PLAC1: variants seen among roughly 807,000 people sequenced by gnomAD.
PLAC1 encodes the protein placenta-specific protein 1.
For missense variants in PLAC1, 136 were observed against 163.2 expected (o/e 0.83, Z 0.91); for synonymous variants, 68 against 62.1 (o/e 1.09, Z -0.44).
At position 134,648,628 on chromosome X, in the gene PLAC1, G is replaced by A. The variant is rs2078346314; in HGVS notation, c.-131+9700C>T. ...TTGAACCCAGGAGGCAGAGGTTGCA[G>A]TGAGCCGAGATTGTGCCATGGCACT... On this transcript the variant is annotated intron_variant, in intron 1 of 2. Transcript: ENST00000359237. Among the ~76,000 whole-genome samples the A allele has an allele frequency of 2.7e-5, 3 of 111,995 alleles. No homozygotes were observed. In the South Asian group the frequency reaches 1.2e-3, roughly 43 times the overall value.
intron 1 of PLAC1, among the ~76,000 whole-genome samples, chrX:134,754,018 C>T (rs1247783701): frequency 8.9e-6 from 1 of 112,250 alleles, no homozygotes; most frequent in African/African-American, 3.2e-5. Flanking sequence ...ATCTGAGTTC[C>T]ATCACATAGA....
chrX:134,762,821 C>CAAAAAAAAAAAAA (rs60721487), intron 1 of PLAC1, among the ~76,000 whole-genome samples: 8 of 14,820 alleles, frequency 5.4e-4, no homozygotes, highest in Non-Finnish European at 7.0e-4. Context: ...GGCTCTATCT[C>CAAAAAAAAAAAAA]AAAAAAAAAA....
At chrX:134,744,641 A>G (rs1277606222) in intron 1 of PLAC1, among the ~76,000 whole-genome samples, 1 of 112,323 alleles carries the variant, frequency 8.9e-6, no homozygotes, top group Non-Finnish European at 1.9e-5. Flanking sequence ...GATTGTCACT[A>G]AAGGCTAGAT....
chrX:134,696,811 G>A (rs967461511), intron 2 of PLAC1, among the ~76,000 whole-genome samples: 1 of 109,750 alleles, frequency 9.1e-6, no homozygotes, highest in Non-Finnish European at 1.9e-5. Flanking sequence ...GGAGGATCAC[G>A]AGGTCAGGAG....
chrX:134,578,687 C>G (rs2077957864), intron 2 of PLAC1, among the ~76,000 whole-genome samples: 1 of 107,140 alleles, frequency 9.3e-6, no homozygotes, highest in South Asian at 4.2e-4. Flanking sequence ...AGGAAATGGT[C>G]TTTCTAAGCA....
chrX:134,661,748 A>C (rs2078417279), upstream of PLAC1, among the ~76,000 whole-genome samples: 1 of 111,851 alleles, frequency 8.9e-6, no homozygotes, highest in African/African-American at 3.2e-5. Flanking sequence ...GTTACAAGGA[A>C]TAATGGACCA....
At chrX:134,653,948 T>C (rs752372869) in intron 1 of PLAC1, among the ~76,000 whole-genome samples, 2 of 112,205 alleles carry the variant, frequency 1.8e-5, no homozygotes, top group South Asian at 3.7e-4. Context: ...ATCTGGTTTC[T>C]GGAATCACAT....
At chrX:134,626,065 C>T (rs1261898910) in intron 1 of PLAC1, among the ~76,000 whole-genome samples, 2 of 110,889 alleles carry the variant, frequency 1.8e-5, no homozygotes, top group East Asian at 5.7e-4. Flanking sequence ...TTTCAGGGAG[C>T]CTCCTGCCTG....
chrX:134,574,521 T>G (rs2077927457), intron 2 of PLAC1, among the ~76,000 whole-genome samples: 1 of 111,778 alleles, frequency 8.9e-6, no homozygotes, highest in Non-Finnish European at 1.9e-5. Flanking sequence ...GCCTGTCCAC[T>G]TGCACACCTG....
Position 134,703,469 on chromosome X carries a change from A to G in PLAC1, n.174+29966T>C, listed in dbSNP as rs542757661. On this transcript the variant is annotated intron_variant and non_coding_transcript_variant, in intron 2 of 2. Transcript: ENST00000466797. ...AAGTTATCATTCACAACTGAGGGTC[A>G]TTAAAATGAGATCTTTTAAACAAAG... 5.5e-4 allele frequency among the ~76,000 whole-genome samples: 62 copies of G among 111,714 alleles called. 1 individual carries two copies. In the South Asian group the frequency reaches 0.011, roughly 20 times the overall value.
intron 2 of PLAC1, among the ~76,000 whole-genome samples, chrX:134,675,392 G>A (rs936014400): frequency 6.2e-5 from 7 of 112,403 alleles, no homozygotes; most frequent in African/African-American, 1.9e-4. Flanking sequence ...CTGGCCGGGC[G>A]TGGTGGCTCA....
intron 2 of PLAC1, among the ~76,000 whole-genome samples, chrX:134,569,776 G>T (rs866797210): frequency 7.1e-5 from 7 of 99,220 alleles, no homozygotes; most frequent in African/African-American, 3.1e-4. Context: ...GTGTGTGTGT[G>T]TGTGTGTGTG....
At chrX:134,571,398 T>C (rs1348388240) in intron 2 of PLAC1, among the ~76,000 whole-genome samples, 1 of 111,149 alleles carries the variant, frequency 9.0e-6, no homozygotes, top group Non-Finnish European at 1.9e-5. Context: ...AGAATGGTGG[T>C]TATTGGGGTG....
At chrX:134,635,206 G>T (rs911653539) in intron 1 of PLAC1, among the ~76,000 whole-genome samples, 1 of 111,806 alleles carries the variant, frequency 8.9e-6, no homozygotes, top group African/African-American at 3.2e-5. Context: ...CAAGCTGGGA[G>T]GTCATGTGAA....
chrX:134,676,578 C>A (rs1602899964), intron 2 of PLAC1, among the ~76,000 whole-genome samples: 1 of 112,329 alleles, frequency 8.9e-6, no homozygotes, highest in Middle Eastern at 4.6e-3. Flanking sequence ...CATTTCTAGA[C>A]AACTTCTTGT....
At chrX:134,741,897 G>A (rs1359947043) in intron 1 of PLAC1, among the ~76,000 whole-genome samples, 1 of 111,090 alleles carries the variant, frequency 9.0e-6, no homozygotes, top group East Asian at 2.8e-4. Flanking sequence ...GCCCTTGCCA[G>A]AACTGTGGAC....
In PLAC1 at chrX:134,658,361, T is replaced by G. The variant is rs1001480770; in HGVS notation, c.-164A>C. On this transcript the variant is annotated 5_prime_UTR_variant, in exon 1 of 3. Transcript: ENST00000359237. ...TTTCCAAAGGGAAGAAGGAACTTGC[T>G]GTGTCTGTATTTGCCCCCAGGATTG... The G allele has an allele frequency of 1.8e-5, 2 of 112,877 alleles. No individual in the cohort carries two copies. Among genetic ancestry groups the G allele is most frequent in the Non-Finnish European group, 3.7e-5 (2 of 53,390 alleles). 9.3% of individuals were successfully genotyped at this position (112,877 alleles called of 1,213,427 possible).
intron 1 of PLAC1, among the ~76,000 whole-genome samples, chrX:134,751,288 A>T (rs2078744623): frequency 1.8e-5 from 2 of 109,217 alleles, no homozygotes; most frequent in African/African-American, 6.7e-5. Context: ...ATCATCGTGG[A>T]AAGTTCTAGT....
At chrX:134,600,368 C>G (rs887962684) in intron 2 of PLAC1, among the ~76,000 whole-genome samples, 1 of 111,254 alleles carries the variant, frequency 9.0e-6, no homozygotes, top group Non-Finnish European at 1.9e-5. Flanking sequence ...GGTTTTGCCA[C>G]GTTGCCCAGG....
Sources: gnomAD v4.1 joint callset for allele counts (sites outside exome capture counted in the v4.1 genomes callset) on GRCh38, gnomAD v4.1.1 for gene constraint, MANE v1.5 for transcripts, NCBI Gene and HGNC (gene_info 2026-07-23, HGNC 2026-07-21) for gene names.